Variants in ALPK3 observed in about 807,000 individuals in gnomAD.
The protein encoded by ALPK3 is alpha kinase 3.
Under a neutral mutation model 140.0 loss-of-function variants are expected in ALPK3, and 102 were observed. The observed-to-expected ratio is 0.73, with a 90% CI of 0.62 to 0.86. The LOEUF (loss-of-function observed/expected upper bound fraction) is 0.86. ALPK3 is among the 40% of genes least tolerant of loss of function. The pLI, the probability that ALPK3 is intolerant of heterozygous loss-of-function variation, is 0.00. For synonymous variants in ALPK3, 938 were observed against 898.5 expected, an observed-to-expected ratio of 1.04 and a Z score of -0.79; for missense variants, 2,254 against 2,208.2, an observed-to-expected ratio of 1.02 and a Z score of -0.42.
At chr15:84,858,623 G>A in intron 6 of ALPK3, 68 bp downstream of exon 6, 1 of 1,489,570 alleles carries the variant, frequency 6.7e-7, no homozygotes, top group Non-Finnish European at 8.9e-7. Context: ...TGCTGCTGCT[G>A]CTAACAGCAC....
At position 84,857,544 on chromosome 15, in the gene ALPK3, T is replaced by C; in HGVS notation, c.2806T>C (p.Cys936Arg). ...CATGGCCACCAGCAGTGAGGGGGCC[T>C]GCGCCCAGGTACCAGATGTGGAGGG... The part of the protein sequence containing the change: ...ETMATSSEGA[C>R]AQVPDVEGRT... The change falls in exon 6 of 14, where the codon TGC becomes CGC. Residue 936 changes from cysteine (C) to arginine (R), a missense_variant. This residue lies in a region of ALPK3 where 2,088 missense variants were observed against 2,022.9 expected (regional missense o/e 1.03). Coordinates refer to ENST00000258888, the MANE Select transcript of ALPK3 (RefSeq NM_020778.5). The C allele has an allele frequency of 6.3e-7, 1 of 1,585,762 alleles. No homozygotes were observed. Among genetic ancestry groups the C allele is most frequent in the South Asian group, 1.2e-5 (1 of 85,902 alleles).
At chr15:84,818,537 T>C (rs1339710329) in intron 1 of ALPK3, among the ~76,000 whole-genome samples, 1 of 152,214 alleles carries the variant, frequency 6.6e-6, no homozygotes, top group African/African-American at 2.4e-5. Flanking sequence ...AGAACTTGAC[T>C]TGTGTATTAT....
Position 84,817,411 on chromosome 15 carries a change from G to A in ALPK3, c.-42G>A. 1.6e-6 allele frequency: 2 copies of A among 1,241,702 alleles called. No individual in the cohort carries two copies. Among genetic ancestry groups the A allele is most frequent in the African/African-American group, 3.1e-5 (2 of 63,610 alleles). 76.9% of individuals were successfully genotyped at this position (1,241,702 alleles called of 1,614,324 possible). Reference sequence around the variant, plus strand: ...GGCCGGGGCCTGGAGGACAGGCGAGGCAGCGGCGAGTGCGGGGCCGGCGGT... The same window carrying A: ...GGCCGGGGCCTGGAGGACAGGCGAGACAGCGGCGAGTGCGGGGCCGGCGGT... On this transcript the variant is annotated 5_prime_UTR_variant, in exon 1 of 14. Transcript: ENST00000258888.
At chr15:84,863,388 G>A (rs1963970138) in intron 10 of ALPK3, 164 bp from the exon 11 acceptor site, 1 of 609,784 alleles carries the variant, frequency 1.6e-6, no homozygotes, top group Non-Finnish European at 2.9e-6. Flanking sequence ...AGAGGAAAAT[G>A]AGATGCAGAG....
In ALPK3 at chr15:84,870,954, A is replaced by T. The variant is rs1206982478; in HGVS notation, c.*2498A>T. 4 of 152,414 alleles carry T rather than the reference A, an allele frequency of 2.6e-5. No individual in the cohort carries two copies. Among genetic ancestry groups the T allele is most frequent in the South Asian group, 2.1e-4 (1 of 4,824 alleles). 9.4% of individuals were successfully genotyped at this position (152,414 alleles called of 1,614,324 possible). ...TTTCTCTCTGCTTAGGGAATTCAAG[A>T]TCATATCTAACTTCGAATTCCAGGG... On this transcript the variant is annotated 3_prime_UTR_variant, in exon 14 of 14. Coordinates refer to ENST00000258888, the MANE Select transcript of ALPK3 (RefSeq NM_020778.5).
At chr15:84,847,796 C>T (rs573142386) in intron 5 of ALPK3, among the ~76,000 whole-genome samples, 35 of 152,306 alleles carry the variant, frequency 2.3e-4, no homozygotes, top group East Asian at 1.5e-3. Context: ...CTGTGGCTCA[C>T]GCCTGTAATC....
Position 84,870,096 on chromosome 15 carries a change from C to T in ALPK3, c.*1640C>T, listed in dbSNP as rs1433397287. 4 of 152,226 alleles carry T rather than the reference C, an allele frequency of 2.6e-5. No individual in the cohort carries two copies. Among genetic ancestry groups the T allele is most frequent in the Non-Finnish European group, 4.4e-5 (3 of 68,058 alleles). 9.4% of individuals were successfully genotyped at this position (152,226 alleles called of 1,614,324 possible). On this transcript the variant is annotated 3_prime_UTR_variant, in exon 14 of 14. Coordinates refer to ENST00000258888, the MANE Select transcript of ALPK3 (RefSeq NM_020778.5). ...GTCTCTGGCTACAGCAAGACCAGCC[C>T]AGGAGCCCACCAGCACCTGCCTCTC...
In ALPK3 at chr15:84,856,764, G is replaced by A. The variant is rs1196930996; in HGVS notation, c.2026G>A (p.Ala676Thr). The A allele has an allele frequency of 1.9e-6, 3 of 1,614,082 alleles. No homozygotes were observed. The South Asian group carries it at 3.3e-5, about 18-fold the overall frequency. ...RAETQLETTQAGEKIQEDRKA... is the reference protein window; with the variant it reads ...RAETQLETTQTGEKIQEDRKA... Reference sequence around the variant, plus strand: ...AGAGACACAGCTAGAAACAACACAGGCAGGTGAGAAGATACAGGAAGACAG... The same window carrying A: ...AGAGACACAGCTAGAAACAACACAGACAGGTGAGAAGATACAGGAAGACAG... Residue 676 changes from alanine (A) to threonine (T), a missense_variant, in exon 6 of 14, where the codon GCA becomes ACA. Ala to Thr is a moderately conservative substitution (Grantham distance 58). Transcript: ENST00000258888.
intron 3 of ALPK3, among the ~76,000 whole-genome samples, chr15:84,827,923 T>A (rs1391413097): frequency 6.6e-6 from 1 of 152,146 alleles, no homozygotes; most frequent in Non-Finnish European, 1.5e-5. Context: ...TGGAAAGAGA[T>A]CTTTGAGGCC....
Position 84,818,106 on chromosome 15 carries a change from C to T in ALPK3, c.143+511C>T, listed in dbSNP as rs547118597. 1.8e-4 allele frequency among the ~76,000 whole-genome samples: 28 copies of T among 151,546 alleles called. 1 individual carries two copies. Among genetic ancestry groups the T allele is most frequent in the Admixed American group, 1.4e-3 (22 of 15,236 alleles). On this transcript the variant is annotated intron_variant, in intron 1 of 13. Coordinates refer to ENST00000258888, the MANE Select transcript of ALPK3 (RefSeq NM_020778.5). ...TGTAAATAAGGTTCCTCTACTGGGC[C>T]GAGGACTTGGGTCCTCCCCAGGACC...
intron 3 of ALPK3, among the ~76,000 whole-genome samples, chr15:84,834,927 A>C (rs1963582887): frequency 6.6e-6 from 1 of 152,242 alleles, no homozygotes; most frequent in African/African-American, 2.4e-5. Flanking sequence ...CTCCCAAATA[A>C]ATTTGCTTCC....
At chr15:84,818,236 G>A (rs1338549171) in intron 1 of ALPK3, among the ~76,000 whole-genome samples, 6 of 152,162 alleles carry the variant, frequency 3.9e-5, no homozygotes, top group Non-Finnish European at 5.9e-5. Context: ...GTCCAGTTTG[G>A]GGAAGTGAAA....
intron 1 of ALPK3, among the ~76,000 whole-genome samples, chr15:84,822,578 A>G (rs994939935): frequency 2.6e-5 from 4 of 152,138 alleles, no homozygotes; most frequent in South Asian, 2.1e-4. Flanking sequence ...TTTTTGTATC[A>G]GGAAAGGAGG....
At chr15:84,863,822 C>G (rs536923355) in intron 11 of ALPK3, among the ~76,000 whole-genome samples, 182 bp downstream of exon 11, 77 of 152,358 alleles carry the variant, frequency 5.1e-4, no homozygotes, top group Middle Eastern at 3.4e-3. Context: ...CATTTACTCT[C>G]CACTTGAGAA....
intron 3 of ALPK3, among the ~76,000 whole-genome samples, chr15:84,832,339 G>A (rs918544012): frequency 4.6e-5 from 7 of 152,144 alleles, no homozygotes; most frequent in Non-Finnish European, 8.8e-5. Context: ...TCAAAATTTT[G>A]TTGCTCCTAT....
intron 5 of ALPK3, among the ~76,000 whole-genome samples, chr15:84,850,865 C>T (rs1475335293): frequency 7.9e-6 from 1 of 126,598 alleles, no homozygotes; most frequent in Non-Finnish European, 1.8e-5. Flanking sequence ...CATATCTTTA[C>T]ACAGTTCCAG....
chr15:84,828,719 T>C (rs1002522450), intron 3 of ALPK3, among the ~76,000 whole-genome samples: 3 of 152,236 alleles, frequency 2.0e-5, no homozygotes, highest in Admixed American at 1.3e-4. Flanking sequence ...TTTCGCAAGT[T>C]GTCTGTTTCC....
intron 3 of ALPK3, among the ~76,000 whole-genome samples, chr15:84,834,994 G>A (rs965338500): frequency 1.3e-5 from 2 of 152,242 alleles, no homozygotes; most frequent in Non-Finnish European, 2.9e-5. Flanking sequence ...ACTGTGTAGA[G>A]GCAGCACCAG....
intron 5 of ALPK3, among the ~76,000 whole-genome samples, 156 bp from the exon 6 acceptor site, chr15:84,856,236 C>T (rs930554902): frequency 2.0e-5 from 3 of 152,194 alleles, no homozygotes; most frequent in Admixed American, 1.3e-4. Flanking sequence ...TGTCACATGT[C>T]TTTGCCTCCC....
Sources: gnomAD v4.1 joint callset for allele counts (sites outside exome capture counted in the v4.1 genomes callset) on GRCh38, gnomAD v4.1.1 for gene constraint, gnomAD v4.1.1 regional missense constraint, MANE v1.5 for transcripts, NCBI Gene and HGNC (gene_info 2026-07-23, HGNC 2026-07-21) for gene names.